The following TMEM38A variants were observed in gnomAD, a reference collection of about 807,000 sequenced individuals.
The protein encoded by TMEM38A is trimeric intracellular cation channel type A.
In TMEM38A, 17 loss-of-function variants were observed where a neutral mutation model predicts 28.6. That is an observed-to-expected ratio of 0.60 (90% CI 0.41 to 0.89). The LOEUF is 0.89. Among genes scored for constraint, TMEM38A ranks in the 40% least tolerant of loss-of-function variants. The probability of loss-of-function intolerance (pLI) is 0.00; values close to 1 mark genes in which losing one functional copy is unlikely to be tolerated. For synonymous variants in TMEM38A, 169 were observed against 166.1 expected, an observed-to-expected ratio of 1.02 and a Z score of -0.14; for missense variants, 328 against 393.1, an observed-to-expected ratio of 0.83 and a Z score of 1.40.
At chr19:16,672,181 G>A (rs1166693149) in intron 1 of TMEM38A, among the ~76,000 whole-genome samples, 1 of 152,140 alleles carries the variant, frequency 6.6e-6, no homozygotes, top group East Asian at 1.9e-4. Context: ...CTCATCAGGA[G>A]TTAGACAAAG....
chr19:16,673,361 T>A (rs528822833), intron 1 of TMEM38A, among the ~76,000 whole-genome samples: 18 of 152,296 alleles, frequency 1.2e-4, no homozygotes, highest in African/African-American at 4.1e-4. Flanking sequence ...GGTGAGCCAC[T>A]GCACCCAGCC....
intron 1 of TMEM38A, among the ~76,000 whole-genome samples, chr19:16,669,079 C>T (rs953222711): frequency 2.6e-5 from 4 of 152,098 alleles, no homozygotes; most frequent in African/African-American, 9.7e-5. Flanking sequence ...ATCTGCCCGC[C>T]TTGGCCTCCC....
At chr19:16,662,436 C>CTTTTTTTTTTTTTTTTTTTTTTT (rs35226829) in intron 1 of TMEM38A, among the ~76,000 whole-genome samples, 16 of 75,860 alleles carry the variant, frequency 2.1e-4, no homozygotes, top group African/African-American at 3.8e-4. Context: ...TAAATGCACG[C>CTTTTTTTTTTTTTTTTTTTTTTT]TTTTTTTTTT....
chr19:16,666,614 C>G (rs1454491923), intron 1 of TMEM38A, among the ~76,000 whole-genome samples: 3 of 151,932 alleles, frequency 2.0e-5, no homozygotes, highest in African/African-American at 4.8e-5. Context: ...GAATGAAGCT[C>G]AGAGTGTGGT....
Position 16,661,429 on chromosome 19 carries a change from C to A in TMEM38A, c.124+88C>A, listed in dbSNP as rs564406996. 5 of 1,184,520 alleles carry A rather than the reference C, an allele frequency of 4.2e-6. No individual in the cohort carries two copies. In the African/African-American group the frequency reaches 8.0e-5, roughly 19 times the overall value. The allele number at this position is 1,184,520 out of a possible 1,614,324, so 73.4% of individuals were successfully genotyped here. On this transcript the variant is annotated intron_variant, in intron 1 of 5. Coordinates refer to ENST00000187762, the MANE Select transcript of TMEM38A (RefSeq NM_024074.4). This position sits in a 1 kb window ranked among gnomAD's most constrained non-coding sequence, Gnocchi z 6.5. ...GGGTCGCAGAGAGGGGAAGCCCGTGCGTGGTGGAGGGAGCGAGGGACAGGT... is the reference window on the plus strand; with the variant it reads ...GGGTCGCAGAGAGGGGAAGCCCGTGAGTGGTGGAGGGAGCGAGGGACAGGT...
At chr19:16,674,526 G>A (rs759336674) in intron 1 of TMEM38A, among the ~76,000 whole-genome samples, 5 of 151,688 alleles carry the variant, frequency 3.3e-5, no homozygotes, top group Admixed American at 6.6e-5. Context: ...AAGGCCGGGC[G>A]CCGTGGCTCA....
intron 1 of TMEM38A, among the ~76,000 whole-genome samples, chr19:16,677,684 G>A (rs1316735489): frequency 6.6e-6 from 1 of 150,854 alleles, no homozygotes; most frequent in Admixed American, 6.6e-5. Flanking sequence ...AGCTTCCCGA[G>A]TAGCTGGGAC....
intron 1 of TMEM38A, among the ~76,000 whole-genome samples, chr19:16,666,106 G>A (rs1467953272): frequency 1.3e-5 from 2 of 151,240 alleles, no homozygotes; most frequent in Non-Finnish European, 3.0e-5. Context: ...TCAGCCTCCC[G>A]AGAAGCTGGG....
At chr19:16,678,398 C>T (rs979378499) in intron 1 of TMEM38A, among the ~76,000 whole-genome samples, 7 of 141,938 alleles carry the variant, frequency 4.9e-5, no homozygotes, top group Non-Finnish European at 1.0e-4. Flanking sequence ...CACCGCGCTC[C>T]AGCCTGGTGA....
rs746805417 is a variant in TMEM38A at position 16,680,152 on chromosome 19, T to C, written c.281+12T>C. The stretch of plus-strand genomic sequence containing the variant: ...GCCTCAGCTGTCTGGTAAGCCATGC[T>C]GGGCATGGGAGAGCAGAGCCGGGTG... On this transcript the variant is annotated intron_variant, in intron 2 of 5. Coordinates refer to ENST00000187762, the MANE Select transcript of TMEM38A (RefSeq NM_024074.4). 3.7e-6 allele frequency: 6 copies of C among 1,605,392 alleles called. No homozygotes were observed. The highest frequency in any genetic ancestry group is 4.2e-6 in the Non-Finnish European group (5 of 1,179,038).
At position 16,683,248 on chromosome 19, in the gene TMEM38A, A is replaced by G. The variant is rs138578846; in HGVS notation, c.554+740A>G. Reference sequence around the variant, plus strand: ...CTCAGCCTCCCAAAATACCGGGATTACAGGCATGAGCCACCCTGCCCTGGA... The same window carrying G: ...CTCAGCCTCCCAAAATACCGGGATTGCAGGCATGAGCCACCCTGCCCTGGA... On this transcript the variant is annotated intron_variant, in intron 4 of 5. Transcript: ENST00000187762. Among the ~76,000 whole-genome samples the G allele has an allele frequency of 7.6e-3, 1,152 of 152,240 alleles. 15 individuals are homozygous for G. The highest frequency in any genetic ancestry group is 0.027 in the African/African-American group (1,110 of 41,532).
In TMEM38A at chr19:16,680,214, G is replaced by A. The variant is rs1047176708; in HGVS notation, c.281+74G>A. 1.1e-5 allele frequency: 17 copies of A among 1,569,236 alleles called. No homozygotes were observed. In the South Asian group the frequency reaches 2.0e-4, roughly 18 times the overall value. On this transcript the variant is annotated intron_variant, in intron 2 of 5. Transcript: ENST00000187762. Reference sequence around the variant, plus strand: ...AACCTGGGCACCAGGGAGGAGAGAGGTTGGAGGAATTAGAATGCACCAGCA... The same window carrying A: ...AACCTGGGCACCAGGGAGGAGAGAGATTGGAGGAATTAGAATGCACCAGCA...
At chr19:16,664,987 C>G (rs963669886) in intron 1 of TMEM38A, among the ~76,000 whole-genome samples, 5 of 152,018 alleles carry the variant, frequency 3.3e-5, no homozygotes, top group African/African-American at 1.2e-4. Flanking sequence ...ATTGTGAAAC[C>G]CCTTCTCTAT....
chr19:16,661,462 T>G lies in TMEM38A; in HGVS notation c.124+121T>G. The G allele has an allele frequency of 1.1e-6, 1 of 871,252 alleles. No individual in the cohort carries two copies. Among genetic ancestry groups the G allele is most frequent in the Non-Finnish European group, 1.6e-6 (1 of 623,312 alleles). 54.0% of individuals were successfully genotyped at this position (871,252 alleles called of 1,614,324 possible). ...AGGGAGCGAGGGACAGGTTCAAGGATTGCATCGTGGGAGTAGGCAGGCGCT... is the reference window on the plus strand; with the variant it reads ...AGGGAGCGAGGGACAGGTTCAAGGAGTGCATCGTGGGAGTAGGCAGGCGCT... On this transcript the variant is annotated intron_variant, in intron 1 of 5. Coordinates refer to ENST00000187762, the MANE Select transcript of TMEM38A (RefSeq NM_024074.4). This position sits in a 1 kb window ranked among gnomAD's most constrained non-coding sequence, Gnocchi z 6.5.
At chr19:16,683,777 C>T (rs908490946) in intron 4 of TMEM38A, among the ~76,000 whole-genome samples, 2 of 151,670 alleles carry the variant, frequency 1.3e-5, no homozygotes, top group African/African-American at 4.8e-5. Flanking sequence ...TTGAGACCAG[C>T]CTGACCAACA....
At chr19:16,667,279 GAAAAA>G (rs11436221) in intron 1 of TMEM38A, among the ~76,000 whole-genome samples, 1 of 145,706 alleles carries the variant, frequency 6.9e-6, no homozygotes, top group Non-Finnish European at 1.5e-5. Flanking sequence ...TCCATTTCAG[GAAAAA>G]AAAAAAGAGA....
At chr19:16,663,158 G>A (rs1418355883) in intron 1 of TMEM38A, among the ~76,000 whole-genome samples, 2 of 151,908 alleles carry the variant, frequency 1.3e-5, no homozygotes, top group African/African-American at 4.8e-5. Flanking sequence ...GCACATGCTT[G>A]TAATCCTAGC....
At chr19:16,662,654 A>T (rs936056269) in intron 1 of TMEM38A, among the ~76,000 whole-genome samples, 1 of 151,380 alleles carries the variant, frequency 6.6e-6, no homozygotes, top group Non-Finnish European at 1.5e-5. Flanking sequence ...AGCCTTCACC[A>T]TGTTGGCCAG....
At chr19:16,666,004 C>T (rs1035146996) in intron 1 of TMEM38A, among the ~76,000 whole-genome samples, 113 of 151,364 alleles carry the variant, frequency 7.5e-4, no homozygotes, top group African/African-American at 2.4e-3. Context: ...TTTTTGGAGA[C>T]GGAGTCTTGC....
Sources: allele counts gnomAD v4.1 joint callset (sites outside exome capture counted in the v4.1 genomes callset), GRCh38; gene constraint gnomAD v4.1.1; non-coding constraint Gnocchi (gnomAD v3.1); transcripts MANE v1.5; gene names NCBI Gene and HGNC (gene_info 2026-07-23, HGNC 2026-07-21).